Variants in SGK3 observed in about 807,000 individuals in gnomAD.
The protein encoded by SGK3 is serum/glucocorticoid regulated kinase family member 3.
Under a neutral mutation model 68.5 loss-of-function variants are expected in SGK3, and 47 were observed. The ratio of observed to expected loss-of-function variants is 0.69; its 90% CI spans 0.54 to 0.87. The LOEUF (loss-of-function observed/expected upper bound fraction) is 0.87. Among genes scored for constraint, SGK3 ranks in the 40% least tolerant of loss-of-function variants. The pLI is 0.00. For missense variants in SGK3, 479 were observed against 575.5 expected, an observed-to-expected ratio of 0.83 and a Z score of 1.72; for synonymous variants, 181 against 189.1, an observed-to-expected ratio of 0.96 and a Z score of 0.35.
intron 1 of SGK3, among the ~76,000 whole-genome samples, chr8:66,728,964 A>C (rs1805058178): frequency 6.6e-6 from 1 of 151,944 alleles, no homozygotes; most frequent in Admixed American, 6.6e-5. Flanking sequence ...TCATGCCTGT[A>C]ATCCCAGCAC....
chr8:66,767,869 A>G, intron 1 of SGK3: 1 of 1,350,162 alleles, frequency 7.4e-7, no homozygotes, highest in Non-Finnish European at 1.1e-6. Context: ...TGTTTTGCCA[A>G]AACATGATAT....
rs531325046 is a variant in SGK3, at chr8:66,808,057, A to G, written c.253+3610A>G. Among the ~76,000 whole-genome samples, 20 of 152,320 alleles carry G rather than the reference A, an allele frequency of 1.3e-4. No homozygotes were observed. The South Asian group carries it at 4.1e-3, about 32-fold the overall frequency. ...TGTAGGAAAAGGTATGGGGATTCAA[A>G]AGGAAATAATGGAAGAATAAATAAA... On this transcript the variant is annotated intron_variant, in intron 4 of 16. Transcript: ENST00000521198.
At chr8:66,751,820 C>T (rs1805826036) in intron 1 of SGK3, among the ~76,000 whole-genome samples, 1 of 151,842 alleles carries the variant, frequency 6.6e-6, no homozygotes, top group Admixed American at 6.6e-5. Flanking sequence ...GGCTGGAGTG[C>T]AGTGGCGCGA....
chr8:66,853,284 C>A (rs1366316220), intron 16 of SGK3, among the ~76,000 whole-genome samples: 5 of 151,980 alleles, frequency 3.3e-5, no homozygotes, highest in Non-Finnish European at 1.5e-5. Flanking sequence ...TTAAATAATT[C>A]TATGTTTAGT....
rs1807567347 is a variant in SGK3 at position 66,793,913 on chromosome 8, G to T, written c.96+81G>T. ...ATTTCTGCTTTTCTTCTCCAACCTA[G>T]AACACCCCCTTCCCCATCTCCACAT... On this transcript the variant is annotated intron_variant, in intron 2 of 16. Coordinates refer to ENST00000521198, the MANE Select transcript of SGK3 (RefSeq NM_001033578.3). 3 of 1,423,860 alleles carry T rather than the reference G, an allele frequency of 2.1e-6. No homozygotes were observed. In the South Asian group the frequency reaches 3.8e-5, roughly 18 times the overall value. 88.2% of individuals were successfully genotyped at this position (1,423,860 alleles called of 1,614,324 possible). A position where few individuals can be genotyped will look rare whatever the true frequency, so the allele number is the denominator to read the frequency against.
chr8:66,794,014 C>G (rs1807573274), intron 2 of SGK3, among the ~76,000 whole-genome samples, 182 bp downstream of exon 2: 1 of 152,064 alleles, frequency 6.6e-6, no homozygotes, highest in Non-Finnish European at 1.5e-5. Context: ...ATAAATTTTC[C>G]TTTTTTAGTG....
At chr8:66,768,438 G>A (rs759232742) in intron 1 of SGK3, among the ~76,000 whole-genome samples, 9 of 149,678 alleles carry the variant, frequency 6.0e-5, no homozygotes, top group Non-Finnish European at 1.2e-4. Context: ...TTTTCAGTCT[G>A]AAAAAATCTT....
intron 1 of SGK3, among the ~76,000 whole-genome samples, chr8:66,770,441 T>C (rs1806470951): frequency 6.6e-6 from 1 of 152,236 alleles, no homozygotes; most frequent in African/African-American, 2.4e-5. Context: ...GTTAAATTAC[T>C]TGGAAATAGT....
chr8:66,725,211 A>G, intron 1 of SGK3, among the ~76,000 whole-genome samples: 1 of 152,118 alleles, frequency 6.6e-6, no homozygotes. Flanking sequence ...CCTGGGCGAC[A>G]GAGTGAGACT....
chr8:66,800,379 CTTTTTT>C (rs35415180), intron 3 of SGK3, among the ~76,000 whole-genome samples: 1 of 102,388 alleles, frequency 9.8e-6, no homozygotes, highest in Non-Finnish European at 2.0e-5. Flanking sequence ...TTTTTCATTT[CTTTTTT>C]TTTTTTTTTT....
intron 1 of SGK3, among the ~76,000 whole-genome samples, chr8:66,713,514 C>G (rs1276502385): frequency 6.6e-6 from 1 of 152,210 alleles, no homozygotes; most frequent in East Asian, 1.9e-4. Flanking sequence ...GCACCAGAGA[C>G]TACTTAGTGT....
intron 6 of SGK3, among the ~76,000 whole-genome samples, chr8:66,827,475 T>C (rs958289113): frequency 2.0e-5 from 3 of 151,608 alleles, no homozygotes; most frequent in Admixed American, 2.0e-4. Context: ...GAAGTATAAT[T>C]ATATATTATA....
At chr8:66,856,706 T>G (rs534893952) in intron 16 of SGK3, among the ~76,000 whole-genome samples, 1 of 152,270 alleles carries the variant, frequency 6.6e-6, no homozygotes, top group East Asian at 1.9e-4. Flanking sequence ...ACATGTTAGA[T>G]TCTGGAAATT....
intron 1 of SGK3, among the ~76,000 whole-genome samples, chr8:66,723,542 C>G (rs946145295): frequency 4.6e-5 from 7 of 152,108 alleles, no homozygotes; most frequent in African/African-American, 1.4e-4. Context: ...CTCCCAGGCT[C>G]AAGCAATCCT....
intron 6 of SGK3, among the ~76,000 whole-genome samples, chr8:66,823,455 T>G (rs547282774): frequency 6.6e-6 from 1 of 151,686 alleles, no homozygotes; most frequent in Non-Finnish European, 1.5e-5. Context: ...CCAGAGTCAG[T>G]GGCGTGATCT....
intron 1 of SGK3, among the ~76,000 whole-genome samples, chr8:66,718,449 ATGTG>A (rs34252246): frequency 0.018 from 2,694 of 147,116 alleles, 67 homozygotes; most frequent in African/African-American, 0.057. Flanking sequence ...TATATATATT[ATGTG>A]TGTGTGTGTG....
At chr8:66,752,762 C>G (rs908820493) in intron 1 of SGK3, among the ~76,000 whole-genome samples, 1 of 152,058 alleles carries the variant, frequency 6.6e-6, no homozygotes, top group African/African-American at 2.4e-5. Context: ...GAGATTAAGC[C>G]TGATGTTTTC....
At chr8:66,829,689 G>A (rs1459466167) in intron 7 of SGK3, among the ~76,000 whole-genome samples, 1 of 152,110 alleles carries the variant, frequency 6.6e-6, no homozygotes, top group South Asian at 2.1e-4. Context: ...ATCAGAAAGG[G>A]TTCACAAGAG....
chr8:66,843,854 G>C (rs759130056), intron 14 of SGK3, among the ~76,000 whole-genome samples: 1 of 151,994 alleles, frequency 6.6e-6, no homozygotes, highest in African/African-American at 2.4e-5. Context: ...AATTATCTGG[G>C]TGTGGTAGTG....
Sources: gnomAD v4.1 joint callset for allele counts (sites outside exome capture counted in the v4.1 genomes callset) on GRCh38, gnomAD v4.1.1 for gene constraint, MANE v1.5 for transcripts, NCBI Gene and HGNC (gene_info 2026-07-23, HGNC 2026-07-21) for gene names.